The following SPINK8 variants were observed in gnomAD, a reference collection of about 807,000 sequenced individuals.
SPINK8 encodes serine peptidase inhibitor Kazal type 8 (putative), also known as serine protease inhibitor Kazal-type 8.
A neutral mutation model predicts 14.4 loss-of-function variants in SPINK8; 12 were observed. The observed-to-expected ratio is 0.83, with a 90% CI of 0.53 to 1.35. The LOEUF (loss-of-function observed/expected upper bound fraction) is 1.35, where lower values mean the gene tolerates loss of function less well. SPINK8 is among the 40% of genes most tolerant of loss of function. SPINK8 has a pLI of 0.00. For missense variants in SPINK8, 103 were observed against 117.0 expected (o/e 0.88, Z 0.55); for synonymous variants, 32 against 37.6 (o/e 0.85, Z 0.55).
At position 48,319,610 on chromosome 3, in the gene SPINK8, GC is replaced by G. The variant is rs1392484637; in HGVS notation, c.125del (p.Cys42SerfsTer5). 1.2e-6 allele frequency: 2 copies of G among 1,613,740 alleles called. No individual in the cohort carries two copies. The highest frequency in any genetic ancestry group is 1.3e-5 in the African/African-American group (1 of 74,880). On this transcript the variant is annotated frameshift_variant, in exon 6 of 8. Transcript: ENST00000434006. LOFTEE classifies it high-confidence loss of function. ...RGQLDKTIVE[C>X]LKNVNKCWFL... ...ACCAGCACTTATTTACATTCTTGAG[GC>G]ATTCAACCTGAAGGTGAGACACACA...
intron 4 of SPINK8, among the ~76,000 whole-genome samples, chr3:48,325,976 A>G (rs1048592803): frequency 6.8e-6 from 1 of 146,428 alleles, no homozygotes; most frequent in Non-Finnish European, 1.5e-5. Context: ...TCAGGGCCCC[A>G]CTACTCTCAG....
intron 6 of SPINK8, among the ~76,000 whole-genome samples, chr3:48,311,073 C>T (rs889267321): frequency 2.1e-5 from 3 of 140,444 alleles, no homozygotes; most frequent in Admixed American, 7.1e-5. Context: ...GAATTCAGAG[C>T]GTTTCAAAAA....
intron 2 of SPINK8, among the ~76,000 whole-genome samples, chr3:48,331,065 C>A (rs1050968497): frequency 1.3e-5 from 2 of 152,078 alleles, no homozygotes; most frequent in African/African-American, 2.4e-5. Flanking sequence ...TCTGGGGCTC[C>A]ATTTGAAGAA....
intron 6 of SPINK8, among the ~76,000 whole-genome samples, chr3:48,314,394 C>T (rs1000429565): frequency 6.6e-6 from 1 of 151,868 alleles, no homozygotes; most frequent in Admixed American, 6.6e-5. Flanking sequence ...AGAAAAATTG[C>T]TGCTTCTCAG....
rs1490486344 is a variant in SPINK8, at chr3:48,316,233, G to A, written c.239+3264C>T. On this transcript the variant is annotated intron_variant, in intron 6 of 7. Transcript: ENST00000434006. ...TTTGATGAAAAACTTCATCCAGTAA[G>A]TTCAAAAAACTTACAATAGGATGCA... The A allele has an allele frequency of 3.3e-5, 5 of 153,512 alleles. No individual in the cohort carries two copies. In the Admixed American group the frequency reaches 3.3e-4, roughly 10 times the overall value. 9.5% of individuals were successfully genotyped at this position (153,512 alleles called of 1,614,324 possible). A position where few individuals can be genotyped will look rare whatever the true frequency, so the allele number is the denominator to read the frequency against.
chr3:48,318,894 ATCC>A (rs1250540988), intron 6 of SPINK8, among the ~76,000 whole-genome samples: 10 of 152,196 alleles, frequency 6.6e-5, no homozygotes. Context: ...ATGTCAGAGA[ATCC>A]TCCTAACTGT....
intron 4 of SPINK8, among the ~76,000 whole-genome samples, chr3:48,326,515 G>A (rs1375079196): frequency 6.6e-6 from 1 of 152,060 alleles, no homozygotes; most frequent in South Asian, 2.1e-4. Context: ...GCTGAGATGG[G>A]AGAATCGCTT....
At chr3:48,332,729 T>C (rs981826962) in intron 1 of SPINK8, among the ~76,000 whole-genome samples, 1 of 152,210 alleles carries the variant, frequency 6.6e-6, no homozygotes, top group African/African-American at 2.4e-5. Context: ...GCGGCACTTC[T>C]CTCATTTGGG....
Position 48,321,073 on chromosome 3 carries a change from G to A in SPINK8, c.69C>T (p.Asp23=). Residue 23 remains aspartate, a splice_region_variant and synonymous_variant, in exon 5 of 8, where the codon GAC becomes GAT. Transcript: ENST00000434006. ...ATSMWMAFAI[D]FPLPMASERG... The stretch of plus-strand genomic sequence containing the variant: ...TTTCAGAGGCCATAGGAAGGGGGAA[G>A]TCTGGAAGACAAAAGCACATACAGA... 6.3e-7 allele frequency: 1 copy of A among 1,579,564 alleles called. No individual in the cohort carries two copies. The highest frequency in any genetic ancestry group is 8.6e-7 in the Non-Finnish European group (1 of 1,161,276).
intron 6 of SPINK8, among the ~76,000 whole-genome samples, chr3:48,318,537 A>G (rs1044361439): frequency 4.6e-5 from 7 of 152,208 alleles, no homozygotes; most frequent in African/African-American, 1.7e-4. Flanking sequence ...CATGCTGCGC[A>G]TTCCCCAGAT....
intron 4 of SPINK8, among the ~76,000 whole-genome samples, chr3:48,322,460 C>T (rs1168173117): frequency 6.6e-6 from 1 of 151,700 alleles, no homozygotes; most frequent in Admixed American, 6.6e-5. Context: ...CTCAGCCTTC[C>T]AAATAGCTGG....
At chr3:48,312,737 G>A (rs748988994) in intron 6 of SPINK8, among the ~76,000 whole-genome samples, 7 of 151,060 alleles carry the variant, frequency 4.6e-5, no homozygotes, top group Non-Finnish European at 7.4e-5. Flanking sequence ...GGTGGCTCAC[G>A]CCTGTAATCC....
At position 48,325,901 on chromosome 3, in the gene SPINK8, C is replaced by CTTTCT. The variant is rs985824545; in HGVS notation, c.67+2369_67+2373dup. Among the ~76,000 whole-genome samples the CTTTCT allele has an allele frequency of 2.9e-4, 43 of 150,416 alleles. No homozygotes were observed. The East Asian group carries it at 6.1e-3, about 21-fold the overall frequency. ...GCATGAGCCACCATGCCCAACCGTCCTTTCTTTTCTTTTCTTTTTTTTTTT... is the reference window on the plus strand; with the variant it reads ...GCATGAGCCACCATGCCCAACCGTCCTTTCTTTTCTTTTCTTTTCTTTTTTTTTTT... On this transcript the variant is annotated intron_variant, in intron 4 of 7. Coordinates refer to ENST00000434006, the MANE Select transcript of SPINK8 (RefSeq NM_001080525.3).
In SPINK8 at chr3:48,306,925, A is replaced by G; in HGVS notation, c.*67T>C. On this transcript the variant is annotated 3_prime_UTR_variant, in exon 8 of 8. Coordinates refer to ENST00000434006, the MANE Select transcript of SPINK8 (RefSeq NM_001080525.3). Reference sequence around the variant, plus strand: ...GTAATTAAAGGGGATATATTTGAAGAGGCAACCATTGTGTTTCACTTGGCA... The same window carrying G: ...GTAATTAAAGGGGATATATTTGAAGGGGCAACCATTGTGTTTCACTTGGCA... 1.3e-6 allele frequency: 2 copies of G among 1,534,706 alleles called. No individual in the cohort carries two copies. The highest frequency in any genetic ancestry group is 4.5e-5 in the East Asian group (2 of 44,288).
chr3:48,325,883 C>T lies in SPINK8; in HGVS notation c.67+2392G>A, dbSNP rs1429714103. Among the ~76,000 whole-genome samples, 3 of 152,084 alleles carry T rather than the reference C, an allele frequency of 2.0e-5. No individual in the cohort carries two copies. The East Asian group carries it at 5.8e-4, about 29-fold the overall frequency. ...AAAGTGCTGGGATTACAGGCATGAG[C>T]CACCATGCCCAACCGTCCTTTCTTT... On this transcript the variant is annotated intron_variant, in intron 4 of 7. Transcript: ENST00000434006.
intron 4 of SPINK8, among the ~76,000 whole-genome samples, chr3:48,325,752 C>G (rs1001107280): frequency 6.6e-6 from 1 of 151,982 alleles, no homozygotes; most frequent in Non-Finnish European, 1.5e-5. Flanking sequence ...CATGCACCAC[C>G]ATGGCTGGCT....
intron 6 of SPINK8, among the ~76,000 whole-genome samples, chr3:48,314,337 A>T: frequency 7.3e-6 from 1 of 136,308 alleles, no homozygotes; most frequent in African/African-American, 3.3e-5. Flanking sequence ...CTGGGAATTA[A>T]AAAAAAAAAA....
chr3:48,331,180 G>A (rs917472361), intron 2 of SPINK8, among the ~76,000 whole-genome samples: 1 of 152,214 alleles, frequency 6.6e-6, no homozygotes, highest in African/African-American at 2.4e-5. Context: ...GCATATGGGT[G>A]TGGGGCTGAA....
In SPINK8 at chr3:48,319,518, C is replaced by T. The variant is rs2036040506; in HGVS notation, c.218G>A (p.Cys73Tyr). ...TTACAGAATTTTGGAGCACAGATGG[C>T]AGTCACTACTGTAGGTAACCTGGTC... ...GSDQVTYSSD[C>Y]HLCSKILFEG... is the part of the protein sequence containing the mutation. Residue 73 changes from cysteine (C) to tyrosine (Y), a missense_variant, in exon 6 of 8, where the codon TGC (cysteine) becomes TAC (tyrosine). Cys to Tyr is a radical substitution (Grantham distance 194). Transcript: ENST00000434006. The T allele has an allele frequency of 6.2e-7, 1 of 1,613,932 alleles. No individual in the cohort carries two copies. The highest frequency in any genetic ancestry group is 2.2e-5 in the East Asian group (1 of 44,886).
Sources: allele counts gnomAD v4.1 joint callset (sites outside exome capture counted in the v4.1 genomes callset), GRCh38; gene constraint gnomAD v4.1.1; transcripts MANE v1.5; gene names NCBI Gene and HGNC (gene_info 2026-07-23, HGNC 2026-07-21).